Variants in ARHGAP42 observed in about 807,000 individuals in gnomAD.
The protein encoded by ARHGAP42 is rho GTPase-activating protein 42.
A neutral mutation model predicts 125.0 loss-of-function variants in ARHGAP42; 63 were observed. The observed-to-expected ratio is 0.50, with a 90% CI of 0.41 to 0.62. The LOEUF (loss-of-function observed/expected upper bound fraction) is 0.62, where lower values mean the gene tolerates loss of function less well. ARHGAP42 is among the 20% of genes least tolerant of loss of function. ARHGAP42 has a pLI of 0.00. For missense variants in ARHGAP42, 766 were observed against 1,024.2 expected, an observed-to-expected ratio of 0.75 and a Z score of 3.44; for synonymous variants, 339 against 351.0, an observed-to-expected ratio of 0.97 and a Z score of 0.38.
chr11:100,819,706 T>G (rs1188085730), intron 3 of ARHGAP42, among the ~76,000 whole-genome samples: 1 of 152,158 alleles, frequency 6.6e-6, no homozygotes, highest in Non-Finnish European at 1.5e-5. Context: ...TTTTTAAAGC[T>G]CTTAGAACAC....
chr11:100,914,573 G>T (rs1867014512), intron 5 of ARHGAP42, among the ~76,000 whole-genome samples: 1 of 152,036 alleles, frequency 6.6e-6, no homozygotes. Flanking sequence ...TCCGCCTCCT[G>T]GTGTACTCTG....
Position 100,724,673 on chromosome 11 carries a change from G to A in ARHGAP42, c.154+36841G>A, listed in dbSNP as rs192985863. Among the ~76,000 whole-genome samples the A allele has an allele frequency of 7.9e-3, 1,064 of 134,554 alleles. 12 individuals are homozygous for A. Among genetic ancestry groups the A allele is most frequent in the African/African-American group, 0.029 (997 of 33,922 alleles). The allele number at this position is 134,554 out of a possible 152,430, so 88.3% of individuals were successfully genotyped here. A position where few individuals can be genotyped will look rare whatever the true frequency, so the allele number is the denominator to read the frequency against. ...TAGTGATAACCCTGATTTCATTTCC[G>A]ATATTTGGGTCTTTACTATTTTTTT... On this transcript the variant is annotated intron_variant, in intron 1 of 23. Coordinates refer to ENST00000298815, the MANE Select transcript of ARHGAP42 (RefSeq NM_152432.4).
intron 4 of ARHGAP42, among the ~76,000 whole-genome samples, chr11:100,860,915 C>G (rs1293272834): frequency 1.3e-5 from 2 of 152,182 alleles, no homozygotes; most frequent in Non-Finnish European, 2.9e-5. Flanking sequence ...TCATGGTTGG[C>G]TCACACGTGA....
intron 4 of ARHGAP42, among the ~76,000 whole-genome samples, chr11:100,863,037 CAAA>C (rs71053151): frequency 4.1e-4 from 46 of 112,430 alleles, no homozygotes; most frequent in East Asian, 1.3e-3. Flanking sequence ...AACTCCGTCT[CAAA>C]AAAAAAAAAA....
At chr11:100,905,003 G>C (rs1591284221) in intron 4 of ARHGAP42, among the ~76,000 whole-genome samples, 1 of 152,168 alleles carries the variant, frequency 6.6e-6, no homozygotes, top group East Asian at 1.9e-4. Flanking sequence ...GTTAATGAAT[G>C]AATTAATAAA....
chr11:100,708,273 A>T (rs182119709), intron 1 of ARHGAP42, among the ~76,000 whole-genome samples: 1 of 152,318 alleles, frequency 6.6e-6, no homozygotes, highest in East Asian at 1.9e-4. Flanking sequence ...GCACTTTGAA[A>T]GGTCTAGGTA....
At chr11:100,960,153 T>C (rs1183124560) in intron 13 of ARHGAP42, among the ~76,000 whole-genome samples, 6 of 152,140 alleles carry the variant, frequency 3.9e-5, no homozygotes, top group Non-Finnish European at 8.8e-5. Flanking sequence ...ACTTCTTTTT[T>C]AGATTTTTTT....
rs982342413 is a variant in ARHGAP42, at chr11:100,687,823, G to A, written c.145G>A (p.Ala49Thr). The part of the protein sequence containing the change: ...LIKDGSLLIG[A>T]LRNLSMAVQK... Reference sequence around the variant, plus strand: ...TAAGGACGGCTCTCTGCTCATTGGGGCGTTGAGGAGTAAGTAGGGCTGGCG... The same window carrying A: ...TAAGGACGGCTCTCTGCTCATTGGGACGTTGAGGAGTAAGTAGGGCTGGCG... Residue 49 changes from alanine (A) to threonine (T), a missense_variant, in exon 1 of 24, where the codon GCG (alanine) becomes ACG (threonine). Physicochemically the swap from Ala to Thr is moderately conservative, Grantham distance 58. Coordinates refer to ENST00000298815, the MANE Select transcript of ARHGAP42 (RefSeq NM_152432.4). The A allele has an allele frequency of 2.6e-5, 41 of 1,548,114 alleles. No individual in the cohort carries two copies. The highest frequency in any genetic ancestry group is 3.3e-5 in the Non-Finnish European group (38 of 1,144,864).
intron 6 of ARHGAP42, among the ~76,000 whole-genome samples, chr11:100,929,323 C>A (rs1385287435): frequency 6.6e-6 from 1 of 152,194 alleles, no homozygotes; most frequent in African/African-American, 2.4e-5. Context: ...TCCTGCCATG[C>A]AGTTGGGTTC....
chr11:100,793,956 G>A (rs547650088), intron 2 of ARHGAP42, among the ~76,000 whole-genome samples: 63 of 151,468 alleles, frequency 4.2e-4, no homozygotes, highest in Admixed American at 2.2e-3. Flanking sequence ...TGTGGTACAC[G>A]CCTGTAGTCT....
chr11:100,787,163 A>G (rs1183630174), intron 2 of ARHGAP42, among the ~76,000 whole-genome samples: 1 of 151,938 alleles, frequency 6.6e-6, no homozygotes, highest in East Asian at 1.9e-4. Context: ...CTGTAGTCCC[A>G]GCTACTCAGG....
intron 1 of ARHGAP42, among the ~76,000 whole-genome samples, chr11:100,722,861 G>A (rs1178780340): frequency 1.3e-5 from 2 of 151,906 alleles, no homozygotes; most frequent in African/African-American, 4.8e-5. Flanking sequence ...TCTAACTTTG[G>A]GTTTGCCAAA....
At chr11:100,769,380 TC>T (rs1182108594) in intron 1 of ARHGAP42, among the ~76,000 whole-genome samples, 1 of 152,188 alleles carries the variant, frequency 6.6e-6, no homozygotes, top group Non-Finnish European at 1.5e-5. Flanking sequence ...TTAGGTTGCA[TC>T]CTGGGCTGTT....
chr11:100,761,426 C>T (rs1254497217), intron 1 of ARHGAP42, among the ~76,000 whole-genome samples: 1 of 152,148 alleles, frequency 6.6e-6, no homozygotes, highest in African/African-American at 2.4e-5. Flanking sequence ...GTTTTTTCCC[C>T]AGGGTAGGAA....
rs869272420 is a variant in ARHGAP42, at chr11:100,794,075, C to CA, written c.251-993dup. On this transcript the variant is annotated intron_variant, in intron 2 of 23. Transcript: ENST00000298815. ...CGAACAACAGAGCTAGACCCTGTCT[C>CA]AAAAAAAAAAAAAAAAAAAAAAAAA... Among the ~76,000 whole-genome samples, 95 of 44,838 alleles carry CA rather than the reference C, an allele frequency of 2.1e-3. 15 individuals are homozygous for CA. Among genetic ancestry groups the CA allele is most frequent in the East Asian group, 8.5e-3 (6 of 708 alleles). The allele number at this position is 44,838 out of a possible 152,430, so 29.4% of individuals were successfully genotyped here.
chr11:100,775,950 G>T (rs1463512084), intron 2 of ARHGAP42, among the ~76,000 whole-genome samples: 2 of 151,934 alleles, frequency 1.3e-5, no homozygotes, highest in Admixed American at 1.3e-4. Flanking sequence ...ACCTGAGGTT[G>T]GGAGTTCGAG....
intron 1 of ARHGAP42, among the ~76,000 whole-genome samples, chr11:100,724,741 C>T (rs1220514750): frequency 4.0e-5 from 6 of 151,478 alleles, no homozygotes; most frequent in Admixed American, 2.6e-4. Context: ...TTTTATCAAT[C>T]TTTTCAAGGA....
At position 100,989,332 on chromosome 11, in the gene ARHGAP42, A is replaced by G; in HGVS notation, c.*531A>G. ...GGATGTAAGTCTTTGTTTTAATATA[A>G]CTTTATTTGTTTTCCAAGTAGATGA... On this transcript the variant is annotated 3_prime_UTR_variant, in exon 24 of 24. Coordinates refer to ENST00000298815, the MANE Select transcript of ARHGAP42 (RefSeq NM_152432.4). 1 of 388,422 alleles carries G rather than the reference A, an allele frequency of 2.6e-6. No homozygotes were observed. The allele number at this position is 388,422 out of a possible 1,614,324, so 24.1% of individuals were successfully genotyped here.
intron 3 of ARHGAP42, among the ~76,000 whole-genome samples, chr11:100,846,312 G>A (rs532224985): frequency 3.9e-5 from 6 of 152,016 alleles, no homozygotes; most frequent in East Asian, 1.9e-4. Context: ...TCAATGGTTC[G>A]TCAGAACACC....
Sources: allele counts gnomAD v4.1 joint callset (sites outside exome capture counted in the v4.1 genomes callset), GRCh38; gene constraint gnomAD v4.1.1; transcripts MANE v1.5; gene names NCBI Gene and HGNC (gene_info 2026-07-23, HGNC 2026-07-21).